The following UBE2K variants were observed in gnomAD, a reference collection of about 807,000 sequenced individuals.
UBE2K encodes the protein ubiquitin conjugating enzyme E2 K.
UBE2K carries 6 observed loss-of-function variants against 30.0 expected under a neutral mutation model. The ratio of observed to expected loss-of-function variants is 0.20; its 90% CI spans 0.11 to 0.39. The LOEUF is 0.39. Ranked by LOEUF, UBE2K falls within the 10% of genes least tolerant of loss-of-function variation. The pLI is 1.00. For missense variants in UBE2K, 61 were observed against 241.6 expected (o/e 0.25, Z 4.96); for synonymous variants, 86 against 83.7 (o/e 1.03, Z -0.15).
In UBE2K at chr4:39,750,076, C is replaced by T. The variant is rs189428673; in HGVS notation, c.216+4266C>T. ...AGGTGTAGTGGCACGTGCCTGTAAT[C>T]CCAGCTACTCAGAAGGCTGAGGCAG... On this transcript the variant is annotated intron_variant, in intron 3 of 6. Transcript: ENST00000261427. 2.3e-4 allele frequency among the ~76,000 whole-genome samples: 35 copies of T among 152,076 alleles called. 1 individual carries two copies. Among genetic ancestry groups the T allele is most frequent in the Non-Finnish European group, 1.2e-4 (8 of 67,962 alleles).
chr4:39,704,128 C>T (rs1438896396), intron 1 of UBE2K, among the ~76,000 whole-genome samples: 2 of 151,510 alleles, frequency 1.3e-5, no homozygotes, highest in Non-Finnish European at 1.5e-5. Flanking sequence ...TGGTGGCTCA[C>T]ATCGGTAATT....
intron 1 of UBE2K, chr4:39,714,359 C>A: frequency 5.5e-6 from 1 of 180,182 alleles, no homozygotes. Context: ...AGGATTATGT[C>A]ATGCACGCCT....
intron 1 of UBE2K, among the ~76,000 whole-genome samples, chr4:39,724,862 A>T (rs1237224320): frequency 1.3e-5 from 2 of 152,060 alleles, no homozygotes; most frequent in Non-Finnish European, 2.9e-5. Context: ...TATCTGACTT[A>T]GGATTGGGCT....
chr4:39,724,960 G>T (rs1332064568), intron 1 of UBE2K, among the ~76,000 whole-genome samples: 2 of 152,074 alleles, frequency 1.3e-5, no homozygotes, highest in Non-Finnish European at 2.9e-5. Context: ...TTGTTGTCTT[G>T]GGGTTCCTTA....
intron 4 of UBE2K, chr4:39,770,597 C>T: frequency 2.5e-6 from 4 of 1,585,656 alleles, no homozygotes; most frequent in Non-Finnish European, 3.4e-6. Flanking sequence ...CCCGGCCTCC[C>T]GGAGTCAACA....
chr4:39,698,622 G>A (rs1342272056), intron 1 of UBE2K, among the ~76,000 whole-genome samples: 2 of 152,136 alleles, frequency 1.3e-5, no homozygotes, highest in Non-Finnish European at 2.9e-5. Flanking sequence ...CATGGTTTGG[G>A]GAGGTGATGG....
intron 4 of UBE2K, chr4:39,770,627 G>C: frequency 1.3e-6 from 2 of 1,598,970 alleles, no homozygotes; most frequent in Non-Finnish European, 1.7e-6. Context: ...CCCCTTCTGC[G>C]TTCTCCGACA....
chr4:39,737,825 G>A (rs764310420), intron 2 of UBE2K, among the ~76,000 whole-genome samples: 17 of 152,162 alleles, frequency 1.1e-4, no homozygotes, highest in Non-Finnish European at 2.1e-4. Flanking sequence ...TAGACACTCA[G>A]TTACCCTTCA....
At chr4:39,752,311 ATTTTTTTTTTTTTCTTTTTTTTTCTTT>A (rs1200238994) in intron 3 of UBE2K, among the ~76,000 whole-genome samples, 5 of 118,544 alleles carry the variant, frequency 4.2e-5, no homozygotes, top group African/African-American at 1.6e-4. Flanking sequence ...CGCCTGGCTA[ATTTTTTTTTTTTTCTTTTTTTTTCTTT>A]TTTTTTTTTT....
intron 4 of UBE2K, among the ~76,000 whole-genome samples, chr4:39,758,904 T>A (rs1306773227): frequency 6.6e-6 from 1 of 152,212 alleles, no homozygotes; most frequent in Non-Finnish European, 1.5e-5. Context: ...ACATCAACTA[T>A]TCCCTTTTCC....
rs1427767036 is a variant in UBE2K, at chr4:39,703,276, TA to T, written c.63+4887del. Among the ~76,000 whole-genome samples, 3 of 152,028 alleles carry T rather than the reference TA, an allele frequency of 2.0e-5. No individual in the cohort carries two copies. The East Asian group carries it at 5.8e-4, about 29-fold the overall frequency. ...GGCTTATGCCTGTAATCTAGCATTTTAGGAGGCTGAGACTCGATTGAGGCCA... is the reference window on the plus strand; with the variant it reads ...GGCTTATGCCTGTAATCTAGCATTTTGGAGGCTGAGACTCGATTGAGGCCA... On this transcript the variant is annotated intron_variant, in intron 1 of 6. Coordinates refer to ENST00000261427, the MANE Select transcript of UBE2K (RefSeq NM_005339.5).
At chr4:39,720,128 A>T (rs1230082479) in intron 1 of UBE2K, among the ~76,000 whole-genome samples, 1 of 152,184 alleles carries the variant, frequency 6.6e-6, no homozygotes, top group Non-Finnish European at 1.5e-5. Context: ...AGCTCTAGAG[A>T]GCTCATCCCC....
intron 1 of UBE2K, among the ~76,000 whole-genome samples, chr4:39,704,243 AAC>A (rs1718205104): frequency 1.3e-5 from 2 of 152,046 alleles, no homozygotes; most frequent in Non-Finnish European, 2.9e-5. Flanking sequence ...GTGACAGAGC[AAC>A]ACACTGTCTC....
chr4:39,733,962 G>A (rs1001585561), intron 1 of UBE2K, among the ~76,000 whole-genome samples: 1 of 152,170 alleles, frequency 6.6e-6, no homozygotes. Context: ...TGAAATAACT[G>A]GATGTTTGAA....
At chr4:39,748,216 C>T (rs1721077582) in intron 3 of UBE2K, among the ~76,000 whole-genome samples, 1 of 152,110 alleles carries the variant, frequency 6.6e-6, no homozygotes, top group Non-Finnish European at 1.5e-5. Flanking sequence ...TATTAAATCT[C>T]TCCCACCTCA....
At chr4:39,767,832 TC>T (rs1169708579) in intron 4 of UBE2K, among the ~76,000 whole-genome samples, 1 of 152,140 alleles carries the variant, frequency 6.6e-6, no homozygotes, top group African/African-American at 2.4e-5. Flanking sequence ...TCTTTGCTAT[TC>T]AGGTAAATTT....
At position 39,745,768 on chromosome 4, in the gene UBE2K, A is replaced by C. The variant is rs1301301774; in HGVS notation, c.174A>C (p.Leu58=). 1 of 1,607,244 alleles carries C rather than the reference A, an allele frequency of 6.2e-7. No individual in the cohort carries two copies. The highest frequency in any genetic ancestry group is 1.3e-5 in the African/African-American group (1 of 74,694). ...DTPYEGGRYQ[L]EIKIPETYPF... is the part of the protein sequence containing the mutation. ...TTTTTTTAGGAGGAAGATACCAACT[A>C]GAGATAAAAATACCAGAAACATACC... The change falls in exon 3 of 7, where the codon CTA becomes CTC. Residue 58 remains leucine (L), a synonymous_variant. Transcript: ENST00000261427.
chr4:39,770,485 C>G, intron 4 of UBE2K: 1 of 1,610,656 alleles, frequency 6.2e-7, no homozygotes, highest in Non-Finnish European at 8.5e-7. Flanking sequence ...GGGTTTCCAC[C>G]TGAGAAGCTC....
intron 4 of UBE2K, among the ~76,000 whole-genome samples, chr4:39,774,306 TA>T (rs917651487): frequency 7.0e-6 from 1 of 143,752 alleles, no homozygotes; most frequent in African/African-American, 2.6e-5. Context: ...ACACTGTCAT[TA>T]AAAAAAAGAA....
Sources: gnomAD v4.1 joint callset for allele counts (sites outside exome capture counted in the v4.1 genomes callset) on GRCh38, gnomAD v4.1.1 for gene constraint, MANE v1.5 for transcripts, NCBI Gene and HGNC (gene_info 2026-07-23, HGNC 2026-07-21) for gene names.